Variants in ZFPM1 observed in about 807,000 individuals in gnomAD.
The protein encoded by ZFPM1 is zinc finger protein, FOG family member 1, also known as zinc finger protein ZFPM1.
Under a neutral mutation model 46.3 loss-of-function variants are expected in ZFPM1, and 28 were observed. The observed-to-expected ratio is 0.60, with a 90% confidence interval of 0.45 to 0.83. The LOEUF (loss-of-function observed/expected upper bound fraction) is 0.83, where lower values mean the gene tolerates loss of function less well. ZFPM1 is among the 40% of genes least tolerant of loss of function. The probability of loss-of-function intolerance (pLI) is 0.00; values close to 1 mark genes in which losing one functional copy is unlikely to be tolerated. For missense variants in ZFPM1, 1,878 were observed against 1,432.4 expected, an observed-to-expected ratio of 1.31 and a Z score of -5.02; for synonymous variants, 957 against 675.9, an observed-to-expected ratio of 1.42 and a Z score of -6.45.
rs35867223 is a variant in ZFPM1 at position 88,486,034 on chromosome 16, C to G, written c.136C>G (p.Pro46Ala). 4.3e-6 allele frequency: 7 copies of G among 1,611,882 alleles called. No individual in the cohort carries two copies. Among genetic ancestry groups the G allele is most frequent in the Non-Finnish European group, 5.9e-6 (7 of 1,179,614 alleles). Residue 46 changes from proline to alanine, a missense_variant, in exon 2 of 10, where the codon CCC (proline) becomes GCC (alanine). By Grantham distance (27) the Pro-to-Ala change is conservative. Transcript: ENST00000319555. ...CACGGCACCTGAAGCCCCGAGCCCT[C>G]CCAGCGCAGGTGAGTCAGACTGAGC... ...KATAPEAPSP[P>A]SADVNSPPPL...
At chr16:88,474,536 C>T (rs1286096420) in intron 1 of ZFPM1, among the ~76,000 whole-genome samples, 1 of 152,214 alleles carries the variant, frequency 6.6e-6, no homozygotes, top group African/African-American at 2.4e-5. Flanking sequence ...CCGCCACCCG[C>T]CTCCTCCCAT....
rs766358649 is a variant in ZFPM1 at position 88,528,185 on chromosome 16, T to C, written c.659T>C (p.Leu220Pro). 1.2e-6 allele frequency: 2 copies of C among 1,610,202 alleles called. No homozygotes were observed. Among genetic ancestry groups the C allele is most frequent in the East Asian group, 4.5e-5 (2 of 44,800 alleles). Residue 220 changes from leucine to proline, a missense_variant, in exon 6 of 10, where the codon CTC becomes CCC. By Grantham distance (98) the Leu-to-Pro change is moderately conservative (BLOSUM62 -3). Transcript: ENST00000319555. The stretch of plus-strand genomic sequence containing the variant: ...CCGGCCCCTGCACACGACCTCCAGC[T>C]CCTGCCCCAGCAGGCCGGGATGGCC... ...TCPAPAHDLQ[L>P]LPQQAGMASI...
chr16:88,518,013 A>G (rs1911464952), intron 4 of ZFPM1, among the ~76,000 whole-genome samples: 1 of 152,144 alleles, frequency 6.6e-6, no homozygotes, highest in Admixed American at 6.5e-5. Context: ...GATCGAGACC[A>G]TCCTGGCTAA....
At chr16:88,482,308 T>C (rs1237714428) in intron 1 of ZFPM1, among the ~76,000 whole-genome samples, 1 of 151,860 alleles carries the variant, frequency 6.6e-6, no homozygotes, top group African/African-American at 2.4e-5. Context: ...ACTTAGGGGC[T>C]CGGTGGGGAC....
chr16:88,455,528 G>GCCCT (rs1213484910), intron 1 of ZFPM1, among the ~76,000 whole-genome samples: 2 of 31,074 alleles, frequency 6.4e-5, no homozygotes, highest in African/African-American at 2.3e-4. Flanking sequence ...CCGCCCGCCC[G>GCCCT]CCCTCTTGCC....
intron 9 of ZFPM1, 69 bp from the exon 10 acceptor site, chr16:88,533,079 C>T (rs1912927515): frequency 1.5e-6 from 2 of 1,373,980 alleles, no homozygotes; most frequent in African/African-American, 1.5e-5. Flanking sequence ...TTCCGGAGCT[C>T]GCCCTCCAGC....
intron 4 of ZFPM1, among the ~76,000 whole-genome samples, chr16:88,523,255 A>C (rs1245457023): frequency 6.6e-6 from 1 of 151,722 alleles, no homozygotes; most frequent in Non-Finnish European, 1.5e-5. Context: ...CCCAGTGCCC[A>C]CAGGCAGAGC....
chr16:88,463,151 G>A (rs1037691688), intron 1 of ZFPM1, among the ~76,000 whole-genome samples: 3 of 152,266 alleles, frequency 2.0e-5, no homozygotes, highest in African/African-American at 7.2e-5. Context: ...GAGCGGAGGA[G>A]GCCCCAGGGC....
chr16:88,521,621 ACCCGTGCTATTCCCTCC>A (rs1266094945), intron 4 of ZFPM1, among the ~76,000 whole-genome samples: 1 of 41,224 alleles, frequency 2.4e-5, no homozygotes, highest in African/African-American at 9.9e-5. Context: ...TGTTCCCCCA[ACCCGTGCTATTCCCTCC>A]CCCGTGCTGT....
chr16:88,508,947 C>T (rs917086768), intron 3 of ZFPM1, among the ~76,000 whole-genome samples: 3 of 152,204 alleles, frequency 2.0e-5, no homozygotes, highest in South Asian at 2.1e-4. Flanking sequence ...CAAGCGAATC[C>T]GCACGCGGCG....
At chr16:88,511,513 G>A (rs952027291) in intron 3 of ZFPM1, among the ~76,000 whole-genome samples, 2 of 152,026 alleles carry the variant, frequency 1.3e-5, no homozygotes, top group Non-Finnish European at 2.9e-5. Context: ...GCATCCCCCG[G>A]CCCTAGGCTC....
At chr16:88,491,054 C>T (rs1045558093) in intron 3 of ZFPM1, among the ~76,000 whole-genome samples, 3 of 152,028 alleles carry the variant, frequency 2.0e-5, no homozygotes, top group East Asian at 3.9e-4. Context: ...TCGGGGGTCT[C>T]GGTCAGGCGC....
At chr16:88,464,167 G>A (rs185608518) in intron 1 of ZFPM1, among the ~76,000 whole-genome samples, 190 of 152,320 alleles carry the variant, frequency 1.2e-3, no homozygotes, top group African/African-American at 3.9e-3. Flanking sequence ...TCAAGGAAGG[G>A]CCCTGAGGAG....
intron 3 of ZFPM1, among the ~76,000 whole-genome samples, chr16:88,490,569 A>G (rs1480617142): frequency 6.6e-6 from 1 of 152,188 alleles, no homozygotes; most frequent in Non-Finnish European, 1.5e-5. Context: ...GGGGTCAGCG[A>G]GGTCCCAGCA....
chr16:88,503,258 G>C (rs574979655), intron 3 of ZFPM1, among the ~76,000 whole-genome samples: 45 of 144,552 alleles, frequency 3.1e-4, no homozygotes, highest in African/African-American at 1.1e-3. Context: ...GGAGGGATCT[G>C]TGTCTGGGGG....
At chr16:88,455,936 C>T (rs1907538644) in intron 1 of ZFPM1, among the ~76,000 whole-genome samples, 1 of 152,182 alleles carries the variant, frequency 6.6e-6, no homozygotes, top group Non-Finnish European at 1.5e-5. Context: ...GATGTGAGCT[C>T]CGATAAGAGC....
chr16:88,506,028 G>A (rs1442062520), intron 3 of ZFPM1, among the ~76,000 whole-genome samples: 1 of 152,206 alleles, frequency 6.6e-6, no homozygotes. Context: ...TCTGGCCTGG[G>A]GTGAGAAGAA....
rs144314954 is a variant in ZFPM1, at chr16:88,463,896, C to T, written c.40+10218C>T. 8.5e-5 allele frequency among the ~76,000 whole-genome samples: 13 copies of T among 152,318 alleles called. No homozygotes were observed. In the East Asian group the frequency reaches 1.9e-3, roughly 23 times the overall value. ...CTTCCCTGCTCTGGGCCAAGGTGGCCACTGCAGGGCCTTAGAAATGTAGGA... is the reference window on the plus strand; with the variant it reads ...CTTCCCTGCTCTGGGCCAAGGTGGCTACTGCAGGGCCTTAGAAATGTAGGA... On this transcript the variant is annotated intron_variant, in intron 1 of 9. Transcript: ENST00000319555.
At chr16:88,494,189 C>T (rs892423730) in intron 3 of ZFPM1, among the ~76,000 whole-genome samples, 2 of 152,108 alleles carry the variant, frequency 1.3e-5, no homozygotes, top group Non-Finnish European at 2.9e-5. Context: ...GGGGTGCGGG[C>T]AGGTTCTACG....
Sources: gnomAD v4.1 joint callset for allele counts (sites outside exome capture counted in the v4.1 genomes callset) on GRCh38, gnomAD v4.1.1 for gene constraint, MANE v1.5 for transcripts, NCBI Gene and HGNC (gene_info 2026-07-23, HGNC 2026-07-21) for gene names.